Variants in KMT2A observed in about 807,000 individuals in gnomAD.
KMT2A encodes lysine methyltransferase 2A.
KMT2A carries 16 observed loss-of-function variants against 345.3 expected under a neutral mutation model. The ratio of observed to expected loss-of-function variants is 0.05; its 90% CI spans 0.03 to 0.07. KMT2A has a LOEUF of 0.07. Ranked by LOEUF, KMT2A falls within the 10% of genes least tolerant of loss-of-function variation. The probability of loss-of-function intolerance (pLI) is 1.00; values close to 1 mark genes in which losing one functional copy is unlikely to be tolerated. For synonymous variants in KMT2A, 1,599 were observed against 1,778.6 expected, an observed-to-expected ratio of 0.90 and a Z score of 2.54; for missense variants, 3,272 against 4,841.6, an observed-to-expected ratio of 0.68 and a Z score of 9.62.
At position 118,519,582 on chromosome 11, in the gene KMT2A, C is replaced by T. The variant is rs781989747; in HGVS notation, c.11147-36C>T. ...GGACCATGCTGTTTCCTGTTGACTG[C>T]GCTCCTCACTTCCCTGGTGCTTCTG... On this transcript the variant is annotated intron_variant, in intron 31 of 35. Coordinates refer to ENST00000534358, the MANE Select transcript of KMT2A (RefSeq NM_001197104.2). 22 of 1,586,430 alleles carry T rather than the reference C, an allele frequency of 1.4e-5. No homozygotes were observed. The Admixed American group carries it at 1.8e-4, about 13-fold the overall frequency.
chr11:118,481,737 G>A lies in KMT2A; in HGVS notation c.3657G>A (p.Lys1219=), dbSNP rs782280560. The A allele has an allele frequency of 6.2e-7, 1 of 1,613,282 alleles. No homozygotes were observed. Among genetic ancestry groups the A allele is most frequent in the Admixed American group, 1.7e-5 (1 of 59,826 alleles). Residue 1219 remains lysine, a synonymous_variant, in exon 7 of 36, where the codon AAG becomes AAA. Coordinates refer to ENST00000534358, the MANE Select transcript of KMT2A (RefSeq NM_001197104.2). ...QAKAVKKKEK[K]SKTSEKKDSK... The stretch of plus-strand genomic sequence containing the variant: ...CAGCTGTGAAAAAGAAAGAGAAAAA[G>A]TCTAAGACCAGTGAAAAGAAAGACA...
rs1555049419 is a variant in KMT2A, at chr11:118,509,219, G to C, written c.10900+19G>C. 1 of 1,595,558 alleles carries C rather than the reference G, an allele frequency of 6.3e-7. No homozygotes were observed. Among genetic ancestry groups the C allele is most frequent in the East Asian group, 2.2e-5 (1 of 44,734 alleles). On this transcript the variant is annotated intron_variant, in intron 29 of 35. Transcript: ENST00000534358. Reference sequence around the variant, plus strand: ...AGTGCAGGTATGTGGGTGGGTAAAAGGTTAGAATCAGAGAATATCAATGCT... The same window carrying C: ...AGTGCAGGTATGTGGGTGGGTAAAACGTTAGAATCAGAGAATATCAATGCT...
At position 118,471,811 on chromosome 11, in the gene KMT2A, A is replaced by G. The variant is rs781937357; in HGVS notation, c.652A>G (p.Ile218Val). ...GATCAAGAAGAAAGATTCTAAAAGTATAGAAAAGAAGAGAGGAAGACCTCC... is the reference window on the plus strand; with the variant it reads ...GATCAAGAAGAAAGATTCTAAAAGTGTAGAAAAGAAGAGAGGAAGACCTCC... ...DKIKKKDSKS[I>V]EKKRGRPPTF... The change falls in exon 3 of 36, where the codon ATA (isoleucine) becomes GTA (valine). Residue 218 changes from isoleucine to valine, a missense_variant. Around this residue, in one of 27 missense-constraint regions of KMT2A, gnomAD observed 412 missense variants for 511.0 expected, o/e 0.81. Transcript: ENST00000534358. The G allele has an allele frequency of 1.9e-6, 3 of 1,613,484 alleles. No homozygotes were observed. Among genetic ancestry groups the G allele is most frequent in the South Asian group, 2.2e-5 (2 of 91,020 alleles).
chr11:118,523,041 G>C lies in KMT2A; in HGVS notation c.*869G>C, dbSNP rs1285547316. The C allele has an allele frequency of 4.5e-6, 1 of 220,226 alleles. No homozygotes were observed. Among genetic ancestry groups the C allele is most frequent in the Non-Finnish European group, 9.1e-6 (1 of 109,790 alleles). 13.6% of individuals were successfully genotyped at this position (220,226 alleles called of 1,614,324 possible). ...CTGAGCCTGTAAGCACTCCAGGTGGGGAAGTGGACAGGAGCCATTGGTCAT... is the reference window on the plus strand; with the variant it reads ...CTGAGCCTGTAAGCACTCCAGGTGGCGAAGTGGACAGGAGCCATTGGTCAT... On this transcript the variant is annotated 3_prime_UTR_variant, in exon 36 of 36. Transcript: ENST00000534358.
At chr11:118,513,000 TG>T (rs1341851186) in intron 31 of KMT2A, among the ~76,000 whole-genome samples, 3 of 152,014 alleles carry the variant, frequency 2.0e-5, no homozygotes, top group Non-Finnish European at 4.4e-5. Context: ...ACACTTTGGG[TG>T]ACCAAGGCAG....
intron 31 of KMT2A, among the ~76,000 whole-genome samples, chr11:118,514,624 A>T (rs546017786): frequency 7.4e-5 from 11 of 148,646 alleles, no homozygotes; most frequent in African/African-American, 2.0e-4. Flanking sequence ...TATTATTATT[A>T]TTTTTTTATT....
In KMT2A at chr11:118,521,851, G is replaced by A. The variant is rs9332865; in HGVS notation, c.11644-46G>A. ...GATTGGGACATGTTCTTAAAGCTGA[G>A]TTTATAAGAAATGACAAGTTCTTCT... On this transcript the variant is annotated intron_variant, in intron 35 of 35. Coordinates refer to ENST00000534358, the MANE Select transcript of KMT2A (RefSeq NM_001197104.2). The surrounding 1 kb of genome is among the most constrained non-coding windows in gnomAD (Gnocchi z 5.3). 0.016 allele frequency: 24,671 copies of A among 1,587,132 alleles called. 786 individuals carry two copies. Among genetic ancestry groups the A allele is most frequent in the Admixed American group, 0.14 (8,292 of 59,430 alleles).
At position 118,521,464 on chromosome 11, in the gene KMT2A, A is replaced by G; in HGVS notation, c.11643+47A>G. ...ACACAGTTCTTTTGTTTTGCTGTAG[A>G]AAGGGACCAGTATGACCCCTGGATC... On this transcript the variant is annotated intron_variant, in intron 35 of 35. Coordinates refer to ENST00000534358, the MANE Select transcript of KMT2A (RefSeq NM_001197104.2). The surrounding 1 kb of genome is among the most constrained non-coding windows in gnomAD (Gnocchi z 5.3). 6.2e-7 allele frequency: 1 copy of G among 1,607,538 alleles called. No homozygotes were observed. The highest frequency in any genetic ancestry group is 8.5e-7 in the Non-Finnish European group (1 of 1,174,530).
At chr11:118,458,373 C>T (rs1034062716) in intron 1 of KMT2A, among the ~76,000 whole-genome samples, 1 of 152,196 alleles carries the variant, frequency 6.6e-6, no homozygotes, top group East Asian at 1.9e-4. Flanking sequence ...AGGTGTGAGC[C>T]ACCTCGTCCT....
At position 118,499,928 on chromosome 11, in the gene KMT2A, AAAGAG is replaced by A. The variant is rs567074292; in HGVS notation, c.6158+22_6158+26del. ...ATTGGATATCAGTAAGTAGCACTATAAAGAGAAGAGAGCAGCCCCACAACCTGAAC... is the reference window on the plus strand; with the variant it reads ...ATTGGATATCAGTAAGTAGCACTATAAAGAGAGCAGCCCCACAACCTGAAC... On this transcript the variant is annotated intron_variant, in intron 24 of 35. Transcript: ENST00000534358. The A allele has an allele frequency of 1.4e-4, 213 of 1,568,256 alleles. 1 individual carries two copies. In the South Asian group the frequency reaches 2.3e-3, roughly 17 times the overall value.
chr11:118,454,205 ACC>A (rs1437869046), intron 1 of KMT2A, among the ~76,000 whole-genome samples: 1 of 152,036 alleles, frequency 6.6e-6, no homozygotes, highest in Non-Finnish European at 1.5e-5. Context: ...TTCACTTTAA[ACC>A]TATCTGTGTC....
intron 27 of KMT2A, 49 bp from the exon 28 acceptor site, chr11:118,507,480 A>G (rs781947198): frequency 4.0e-6 from 6 of 1,515,054 alleles, no homozygotes; most frequent in Admixed American, 1.7e-5. Flanking sequence ...CATTCAGTAC[A>G]TATTTACTGG....
chr11:118,460,315 G>A (rs782771544), intron 1 of KMT2A, among the ~76,000 whole-genome samples: 1 of 152,150 alleles, frequency 6.6e-6, no homozygotes, highest in African/African-American at 2.4e-5. Context: ...CTGAGATAGG[G>A]ACTTGCTCTG....
chr11:118,486,413 G>T (rs1950230727), intron 10 of KMT2A, among the ~76,000 whole-genome samples: 1 of 149,636 alleles, frequency 6.7e-6, no homozygotes, highest in African/African-American at 2.5e-5. Context: ...TTTGCAGTAT[G>T]TACCACCTTT....
At position 118,498,611 on chromosome 11, in the gene KMT2A, G is replaced by A. The variant is rs2134369487; in HGVS notation, c.5961+83G>A. 7.1e-7 allele frequency: 1 copy of A among 1,408,094 alleles called. No homozygotes were observed. The highest frequency in any genetic ancestry group is 9.5e-7 in the Non-Finnish European group (1 of 1,048,814). The allele number at this position is 1,408,094 out of a possible 1,614,324, so 87.2% of individuals were successfully genotyped here. A position where few individuals can be genotyped will look rare whatever the true frequency, so the allele number is the denominator to read the frequency against. On this transcript the variant is annotated intron_variant, in intron 22 of 35. Coordinates refer to ENST00000534358, the MANE Select transcript of KMT2A (RefSeq NM_001197104.2). The surrounding 1 kb of genome is among the most constrained non-coding windows in gnomAD (Gnocchi z 4.4). Reference sequence around the variant, plus strand: ...AGGTTCACAGCAAAATTGACTGGAAGGTACAGAGATTTCCCATATGCCCCC... The same window carrying A: ...AGGTTCACAGCAAAATTGACTGGAAAGTACAGAGATTTCCCATATGCCCCC...
chr11:118,501,471 A>C (rs1410920701), intron 25 of KMT2A, among the ~76,000 whole-genome samples: 1 of 151,932 alleles, frequency 6.6e-6, no homozygotes, highest in African/African-American at 2.4e-5. Context: ...TGTGTCTCAA[A>C]GAAAAAAAAA....
Position 118,496,491 on chromosome 11 carries a change from A to G in KMT2A, c.5664+124A>G. 1 of 582,426 alleles carries G rather than the reference A, an allele frequency of 1.7e-6. No individual in the cohort carries two copies. The highest frequency in any genetic ancestry group is 3.0e-6 in the Non-Finnish European group (1 of 330,886). 36.1% of individuals were successfully genotyped at this position (582,426 alleles called of 1,614,324 possible). On this transcript the variant is annotated intron_variant, in intron 20 of 35. Coordinates refer to ENST00000534358, the MANE Select transcript of KMT2A (RefSeq NM_001197104.2). The surrounding 1 kb of genome is among the most constrained non-coding windows in gnomAD (Gnocchi z 4.7). ...GAACTTACTTATAACTTACTAATTT[A>G]TAACTTTTATTTACCTATAACTTAT...
chr11:118,496,419 G>C lies in KMT2A; in HGVS notation c.5664+52G>C, dbSNP rs539469982. ...AGTTAATACATACTCCAAAAGAACTGTTTGTCCTTGTGTCCATACTTGATG... is the reference window on the plus strand; with the variant it reads ...AGTTAATACATACTCCAAAAGAACTCTTTGTCCTTGTGTCCATACTTGATG... On this transcript the variant is annotated intron_variant, in intron 20 of 35. Transcript: ENST00000534358. The surrounding 1 kb of genome is among the most constrained non-coding windows in gnomAD (Gnocchi z 4.7). 8.0e-7 allele frequency: 1 copy of C among 1,254,168 alleles called. No homozygotes were observed. Among genetic ancestry groups the C allele is most frequent in the Non-Finnish European group, 1.2e-6 (1 of 853,854 alleles). 77.7% of individuals were successfully genotyped at this position (1,254,168 alleles called of 1,614,324 possible).
chr11:118,491,150 G>A lies in KMT2A; in HGVS notation c.4697-46G>A, dbSNP rs74387673. 8.8e-5 allele frequency: 141 copies of A among 1,599,272 alleles called. No homozygotes were observed. Among genetic ancestry groups the A allele is most frequent in the Non-Finnish European group, 9.9e-5 (116 of 1,173,306 alleles). ...TGCAAGTCGAGGGCCGTAAAAACAC[G>A]GGTATGTGAGCCAAAGCACTGCTGT... On this transcript the variant is annotated intron_variant, in intron 13 of 35. Coordinates refer to ENST00000534358, the MANE Select transcript of KMT2A (RefSeq NM_001197104.2). This position sits in a 1 kb window ranked among gnomAD's most constrained non-coding sequence, Gnocchi z 4.2.
Sources: gnomAD v4.1 joint callset for allele counts (sites outside exome capture counted in the v4.1 genomes callset) on GRCh38, gnomAD v4.1.1 for gene constraint, gnomAD v4.1.1 regional missense constraint, Gnocchi (gnomAD v3.1) non-coding constraint, MANE v1.5 for transcripts, NCBI Gene and HGNC (gene_info 2026-07-23, HGNC 2026-07-21) for gene names.